The following CCDC69 variants were observed in gnomAD, a reference collection of about 807,000 sequenced individuals.
CCDC69 encodes coiled-coil domain containing 69.
CCDC69 carries 38 observed loss-of-function variants against 40.3 expected under a neutral mutation model. The observed-to-expected ratio is 0.94, with a 90% CI of 0.73 to 1.24. The LOEUF (loss-of-function observed/expected upper bound fraction) is 1.24. Ranked by LOEUF, CCDC69 falls within the 50% of genes most tolerant of loss-of-function variation. The pLI is 0.00. For missense variants in CCDC69, 389 were observed against 357.9 expected (o/e 1.09, Z -0.70); for synonymous variants, 141 against 138.9 (o/e 1.02, Z -0.11).
chr5:151,197,040 A>G (rs1272013110), intron 4 of CCDC69, among the ~76,000 whole-genome samples: 6 of 152,270 alleles, frequency 3.9e-5, no homozygotes, highest in Non-Finnish European at 8.8e-5. Flanking sequence ...AAAAAGAAAC[A>G]AAGTGTAGAT....
chr5:151,187,351 C>G, intron 5 of CCDC69, 35 bp downstream of exon 5: 1 of 1,596,512 alleles, frequency 6.3e-7, no homozygotes. Flanking sequence ...CTCACTTACC[C>G]TTATCCAAGA....
chr5:151,223,666 C>T (rs1753170063), intron 1 of CCDC69, among the ~76,000 whole-genome samples: 1 of 152,240 alleles, frequency 6.6e-6, no homozygotes, highest in Non-Finnish European at 1.5e-5. Context: ...CATCTCCCCA[C>T]CCGAGGCAGC....
At chr5:151,185,638 C>T (rs1250361394) in intron 6 of CCDC69, 97 bp from the exon 7 acceptor site, 7 of 1,279,772 alleles carry the variant, frequency 5.5e-6, no homozygotes, top group Non-Finnish European at 7.8e-6. Flanking sequence ...AAGTCACCCA[C>T]CTTCCTCTCT....
intron 3 of CCDC69, 103 bp from the exon 4 acceptor site, chr5:151,199,187 T>TA: frequency 1.1e-6 from 1 of 884,998 alleles, no homozygotes; most frequent in Non-Finnish European, 1.9e-6. Context: ...ACCAGAGTCC[T>TA]AACCCTTCCT....
intron 1 of CCDC69, chr5:151,215,722 C>G (rs1254005689): frequency 3.1e-6 from 1 of 321,266 alleles, no homozygotes; most frequent in Admixed American, 3.3e-5. Context: ...AGCCATCTCC[C>G]AAGTTGCACG....
chr5:151,191,323 C>A (rs938839097), intron 4 of CCDC69, among the ~76,000 whole-genome samples: 1 of 152,154 alleles, frequency 6.6e-6, no homozygotes, highest in Admixed American at 6.5e-5. Context: ...ATAAAACAGC[C>A]TGAAAATCAG....
At chr5:151,189,197 C>A (rs566933264) in intron 4 of CCDC69, among the ~76,000 whole-genome samples, 1 of 151,764 alleles carries the variant, frequency 6.6e-6, no homozygotes, top group Non-Finnish European at 1.5e-5. Context: ...CTGTCACTGA[C>A]GGCAAGAAGG....
chr5:151,186,160 T>C (rs763163119), intron 5 of CCDC69, 36 bp from the exon 6 acceptor site: 2 of 1,455,758 alleles, frequency 1.4e-6, no homozygotes, highest in African/African-American at 1.4e-5. Flanking sequence ...AATCAAAGCC[T>C]GCCTCATAAA....
At chr5:151,189,578 A>G (rs914460997) in intron 4 of CCDC69, among the ~76,000 whole-genome samples, 3 of 152,114 alleles carry the variant, frequency 2.0e-5, no homozygotes, top group Admixed American at 6.5e-5. Flanking sequence ...AAAAAAAAAA[A>G]TTGAAGAAAG....
chr5:151,205,502 C>T lies in CCDC69; in HGVS notation c.49-27G>A, dbSNP rs201102971. The T allele has an allele frequency of 1.3e-5, 21 of 1,607,492 alleles. No homozygotes were observed. In the Admixed American group the frequency reaches 1.5e-4, roughly 11 times the overall value. On this transcript the variant is annotated intron_variant, in intron 1 of 8. Coordinates refer to ENST00000355417, the MANE Select transcript of CCDC69 (RefSeq NM_015621.3). ...TGGAAGAAATGAGACAACAGCAAGGCGTGGGTAGAGGGTGGGAGGTCAATG... is the reference window on the plus strand; with the variant it reads ...TGGAAGAAATGAGACAACAGCAAGGTGTGGGTAGAGGGTGGGAGGTCAATG...
At chr5:151,201,480 C>G (rs1179106867) in intron 3 of CCDC69, 102 bp downstream of exon 3, 10 of 711,750 alleles carry the variant, frequency 1.4e-5, no homozygotes. Context: ...GAGTAAGGGA[C>G]TCTTACAACA....
At chr5:151,218,428 G>A (rs1159683829) in intron 1 of CCDC69, among the ~76,000 whole-genome samples, 4 of 152,212 alleles carry the variant, frequency 2.6e-5, no homozygotes, top group African/African-American at 9.7e-5. Context: ...GGAAGCCCAA[G>A]TACACCCTGA....
chr5:151,195,979 G>C (rs1030667268), intron 4 of CCDC69, among the ~76,000 whole-genome samples: 5 of 152,152 alleles, frequency 3.3e-5, no homozygotes, highest in Non-Finnish European at 5.9e-5. Flanking sequence ...GCTGTTTTGA[G>C]ATCTAGAGGT....
intron 4 of CCDC69, among the ~76,000 whole-genome samples, chr5:151,198,299 T>TATCTATCTATCC (rs1347225174): frequency 7.5e-5 from 9 of 120,504 alleles, no homozygotes; most frequent in African/African-American, 3.3e-4. Context: ...TTGATCTATC[T>TATCTATCTATCC]ATCTATCTAT....
intron 2 of CCDC69, among the ~76,000 whole-genome samples, chr5:151,204,413 T>C (rs1192408952): frequency 6.6e-6 from 1 of 152,234 alleles, no homozygotes; most frequent in Non-Finnish European, 1.5e-5. Flanking sequence ...CCCACAATAT[T>C]CCCAACAGCC....
chr5:151,215,866 G>T (rs931811258), intron 1 of CCDC69, among the ~76,000 whole-genome samples: 6 of 152,236 alleles, frequency 3.9e-5, no homozygotes, highest in East Asian at 1.9e-4. Flanking sequence ...GGACTGGCTG[G>T]ATATACTCAG....
At chr5:151,223,418 A>C (rs555989700) in intron 1 of CCDC69, among the ~76,000 whole-genome samples, 65 of 152,376 alleles carry the variant, frequency 4.3e-4, no homozygotes, top group Middle Eastern at 6.8e-3. Flanking sequence ...TATTGTTAAA[A>C]GGCAGCTTCT....
intron 7 of CCDC69, 165 bp downstream of exon 7, chr5:151,185,257 C>A (rs1752476179): frequency 2.9e-6 from 2 of 691,898 alleles, no homozygotes; most frequent in Non-Finnish European, 4.9e-6. Context: ...TTGACCCAGC[C>A]TGGCCACAGA....
At chr5:151,185,591 TC>T in intron 6 of CCDC69, 50 bp from the exon 7 acceptor site, 1 of 1,592,926 alleles carries the variant, frequency 6.3e-7, no homozygotes, top group Non-Finnish European at 8.6e-7. Context: ...ACCTCCCTCC[TC>T]CCCATTCTGC....
Sources: gnomAD v4.1 joint callset for allele counts (sites outside exome capture counted in the v4.1 genomes callset) on GRCh38, gnomAD v4.1.1 for gene constraint, MANE v1.5 for transcripts, NCBI Gene and HGNC (gene_info 2026-07-23, HGNC 2026-07-21) for gene names.